Variants in RTL4 observed in about 807,000 individuals in gnomAD.
The protein encoded by RTL4 is retrotransposon Gag-like protein 4.
RTL4 carries 4 observed loss-of-function variants against 5.3 expected under a neutral mutation model. The observed-to-expected ratio is 0.75, with a 90% CI of 0.37 to 1.72. The LOEUF (loss-of-function observed/expected upper bound fraction) is 1.72, where lower values mean the gene tolerates loss of function less well. Among genes scored for constraint, RTL4 ranks in the 40% most tolerant of loss-of-function variants. RTL4 has a pLI of 0.04. For missense variants in RTL4, 260 were observed against 227.1 expected (o/e 1.14, Z -0.93); for synonymous variants, 98 against 87.3 (o/e 1.12, Z -0.68).
At chrX:112,126,852 A>T in the RTL4 span, among the ~76,000 whole-genome samples, 1 of 112,034 alleles carries the variant, frequency 8.9e-6, no homozygotes, top group Non-Finnish European at 1.9e-5. Flanking sequence ...ACCAATTCTG[A>T]CTCAAAAAGA....
chrX:112,158,095 G>T, the RTL4 span, among the ~76,000 whole-genome samples: 4 of 110,215 alleles, frequency 3.6e-5, no homozygotes, highest in African/African-American at 1.3e-4. Flanking sequence ...TTCCTAGGTG[G>T]CTGTGTAGAA....
At chrX:112,186,605 A>C in the RTL4 span, among the ~76,000 whole-genome samples, 15 of 112,014 alleles carry the variant, frequency 1.3e-4, no homozygotes, top group African/African-American at 4.9e-4. Context: ...AGTTTTTATG[A>C]TGTTACGGGG....
the RTL4 span, among the ~76,000 whole-genome samples, chrX:112,135,874 T>C: frequency 2.8e-5 from 3 of 105,942 alleles, no homozygotes; most frequent in African/African-American, 6.9e-5. Flanking sequence ...AGTATATATA[T>C]ACACATACAT....
the RTL4 span, among the ~76,000 whole-genome samples, chrX:112,330,104 C>A: frequency 1.0e-5 from 1 of 98,085 alleles, no homozygotes. Context: ...TGGCACAAGA[C>A]AGGGATGCCC....
chrX:112,331,815 A>G, the RTL4 span, among the ~76,000 whole-genome samples: 1 of 91,841 alleles, frequency 1.1e-5, no homozygotes, highest in African/African-American at 4.2e-5. Context: ...ACACCATGGA[A>G]TACTATGCAG....
At chrX:112,256,127 T>C in the RTL4 span, among the ~76,000 whole-genome samples, 17 of 112,417 alleles carry the variant, frequency 1.5e-4, 1 homozygote, top group South Asian at 3.7e-3. Flanking sequence ...AACTTAAAGA[T>C]AGAATTTTAT....
chrX:112,436,802 A>G, the RTL4 span, among the ~76,000 whole-genome samples: 1 of 111,051 alleles, frequency 9.0e-6, no homozygotes, highest in Non-Finnish European at 1.9e-5. Flanking sequence ...TCTGCTAAAC[A>G]CAAAACAGTC....
At chrX:112,147,566 G>A in the RTL4 span, among the ~76,000 whole-genome samples, 1 of 111,669 alleles carries the variant, frequency 9.0e-6, no homozygotes, top group East Asian at 2.8e-4. Flanking sequence ...CTCCCATTTT[G>A]AAGTAAACCT....
chrX:112,143,927 T>C, the RTL4 span, among the ~76,000 whole-genome samples: 1 of 112,405 alleles, frequency 8.9e-6, no homozygotes, highest in African/African-American at 3.2e-5. Flanking sequence ...CGTACATATC[T>C]GCAACGTAAA....
the RTL4 span, among the ~76,000 whole-genome samples, chrX:112,238,169 G>A: frequency 8.3e-5 from 9 of 108,319 alleles, no homozygotes; most frequent in Non-Finnish European, 1.1e-4. Context: ...TAACATTACT[G>A]TTCAGCTGAA....
the RTL4 span, among the ~76,000 whole-genome samples, chrX:112,208,194 A>G: frequency 8.9e-6 from 1 of 111,808 alleles, no homozygotes; most frequent in Non-Finnish European, 1.9e-5. Flanking sequence ...TTGGCCAATA[A>G]TTGTTTGTGT....
the RTL4 span, among the ~76,000 whole-genome samples, chrX:112,124,091 G>A: frequency 8.9e-6 from 1 of 112,080 alleles, no homozygotes; most frequent in Admixed American, 9.4e-5. Flanking sequence ...GACCATTAGA[G>A]ATATGGAAAT....
At chrX:112,100,048 G>A in the RTL4 span, among the ~76,000 whole-genome samples, 6 of 111,849 alleles carry the variant, frequency 5.4e-5, no homozygotes, top group African/African-American at 1.6e-4. Flanking sequence ...ATTTTGGGAT[G>A]GCCATGAGAC....
At chrX:112,242,943 G>A in the RTL4 span, among the ~76,000 whole-genome samples, 2 of 111,602 alleles carry the variant, frequency 1.8e-5, no homozygotes, top group Non-Finnish European at 3.8e-5. Flanking sequence ...CATCTATTGA[G>A]ATAATCATGT....
the RTL4 span, among the ~76,000 whole-genome samples, chrX:112,187,169 G>C: frequency 1.8e-5 from 2 of 111,932 alleles, no homozygotes; most frequent in African/African-American, 6.5e-5. Context: ...GCAAACTTTG[G>C]GGTGTTCACC....
At chrX:112,409,648 G>A in the RTL4 span, among the ~76,000 whole-genome samples, 1 of 109,313 alleles carries the variant, frequency 9.1e-6, no homozygotes, top group African/African-American at 3.3e-5. Flanking sequence ...TTGAACCCGG[G>A]AGGTGGAGGT....
At chrX:112,157,327 T>A in the RTL4 span, among the ~76,000 whole-genome samples, 2 of 111,305 alleles carry the variant, frequency 1.8e-5, no homozygotes. Context: ...AAATCTAAGA[T>A]GTTTGGCCTA....
the RTL4 span, among the ~76,000 whole-genome samples, chrX:112,208,839 TG>T: frequency 1.8e-5 from 2 of 112,162 alleles, no homozygotes; most frequent in African/African-American, 3.2e-5. Flanking sequence ...ACCTTACAGG[TG>T]TGGAATGCAG....
the RTL4 span, among the ~76,000 whole-genome samples, chrX:112,353,307 G>A: frequency 0.35 from 38,885 of 109,886 alleles, 7,002 homozygotes; most frequent in African/African-American, 0.7. Flanking sequence ...TAGAAATACC[G>A]TTCGACCCAG....
Sources: allele counts gnomAD v4.1 joint callset (sites outside exome capture counted in the v4.1 genomes callset), GRCh38; gene constraint gnomAD v4.1.1; transcripts MANE v1.5; gene names NCBI Gene and HGNC (gene_info 2026-07-23, HGNC 2026-07-21).